The following TRAPPC3L variants were observed in gnomAD, a reference collection of about 807,000 sequenced individuals.
The protein encoded by TRAPPC3L is trafficking protein particle complex subunit 3-like protein.
TRAPPC3L carries 23 observed loss-of-function variants against 23.7 expected under a neutral mutation model. That is an observed-to-expected ratio of 0.97 (90% CI 0.70 to 1.37). The LOEUF (loss-of-function observed/expected upper bound fraction) is 1.37, where lower values mean the gene tolerates loss of function less well. Among genes scored for constraint, TRAPPC3L ranks in the 40% most tolerant of loss-of-function variants. The pLI is 0.00. For missense variants in TRAPPC3L, 212 were observed against 216.8 expected (o/e 0.98, Z 0.14); for synonymous variants, 81 against 77.9 (o/e 1.04, Z -0.21).
At position 116,500,699 on chromosome 6, in the gene TRAPPC3L, G is replaced by A. The variant is rs769634949; in HGVS notation, c.241-33C>T. 1.6e-5 allele frequency: 25 copies of A among 1,536,560 alleles called. No individual in the cohort carries two copies. The African/African-American group carries it at 2.6e-4, about 16-fold the overall frequency. Reference sequence around the variant, plus strand: ...GAAAAAAACAAAATTACTAAAACTTGGTCTAGAACAAATAACTATGAGCAG... The same window carrying A: ...GAAAAAAACAAAATTACTAAAACTTAGTCTAGAACAAATAACTATGAGCAG... On this transcript the variant is annotated intron_variant, in intron 3 of 4. Transcript: ENST00000368602.
intron 3 of TRAPPC3L, among the ~76,000 whole-genome samples, chr6:116,539,392 C>A (rs6899606): frequency 0.66 from 100,995 of 152,008 alleles, 33,816 homozygotes; most frequent in East Asian, 0.89. Flanking sequence ...GAAATAATAC[C>A]AGTAATAATA....
intron 3 of TRAPPC3L, among the ~76,000 whole-genome samples, chr6:116,530,294 G>A (rs1772619347): frequency 6.6e-6 from 1 of 152,122 alleles, no homozygotes; most frequent in South Asian, 2.1e-4. Flanking sequence ...CCTGGTTTAA[G>A]TTCATTTCAT....
chr6:116,519,167 C>G (rs373047779), intron 3 of TRAPPC3L: 1 of 152,150 alleles, frequency 6.6e-6, no homozygotes. Flanking sequence ...GATGTGCTCC[C>G]TAGAGGCTGC....
chr6:116,527,836 C>A (rs1379844422), intron 3 of TRAPPC3L, among the ~76,000 whole-genome samples: 1 of 152,190 alleles, frequency 6.6e-6, no homozygotes, highest in Non-Finnish European at 1.5e-5. Context: ...TGGACCAATG[C>A]CTAATGCATG....
intron 3 of TRAPPC3L, among the ~76,000 whole-genome samples, chr6:116,507,143 A>G (rs1174237446): frequency 6.6e-6 from 1 of 152,224 alleles, no homozygotes; most frequent in East Asian, 1.9e-4. Context: ...TTTAAAAGAT[A>G]TATATCCTTT....
chr6:116,538,101 T>C (rs1452990604), intron 3 of TRAPPC3L, among the ~76,000 whole-genome samples: 1 of 152,234 alleles, frequency 6.6e-6, no homozygotes, highest in Non-Finnish European at 1.5e-5. Flanking sequence ...ATTTTTATTT[T>C]CTACTAGAGA....
At chr6:116,509,518 AT>A (rs1449659257) in intron 3 of TRAPPC3L, among the ~76,000 whole-genome samples, 1 of 152,190 alleles carries the variant, frequency 6.6e-6, no homozygotes, top group Non-Finnish European at 1.5e-5. Context: ...ATGGAACAGA[AT>A]AGAGAACTCA....
At chr6:116,516,586 G>A (rs1403288244) in intron 3 of TRAPPC3L, 2 of 149,532 alleles carry the variant, frequency 1.3e-5, no homozygotes, top group Non-Finnish European at 3.0e-5. Flanking sequence ...AAGCAGGGCT[G>A]CATCATAATT....
At chr6:116,527,302 G>T (rs1772461479) in intron 3 of TRAPPC3L, among the ~76,000 whole-genome samples, 1 of 152,068 alleles carries the variant, frequency 6.6e-6, no homozygotes, top group African/African-American at 2.4e-5. Flanking sequence ...CGAATCACGA[G>T]GTCAGGAGAT....
chr6:116,528,939 TTTG>T (rs1170706476), intron 3 of TRAPPC3L: 2 of 152,220 alleles, frequency 1.3e-5, no homozygotes, highest in South Asian at 2.1e-4. Context: ...ATAAGTTTCC[TTTG>T]TTGTTGTAGT....
At chr6:116,536,299 T>A (rs539826326) in intron 3 of TRAPPC3L, among the ~76,000 whole-genome samples, 1 of 152,212 alleles carries the variant, frequency 6.6e-6, no homozygotes, top group Non-Finnish European at 1.5e-5. Context: ...TTGGCCATTA[T>A]CATGGGATTT....
intron 3 of TRAPPC3L, among the ~76,000 whole-genome samples, chr6:116,530,612 A>G (rs990750672): frequency 3.0e-4 from 45 of 151,938 alleles, no homozygotes; most frequent in African/African-American, 1.1e-3. Context: ...TGTCTGCCCC[A>G]CTCTTGCTAA....
In TRAPPC3L at chr6:116,533,689, C is replaced by G. The variant is rs140825111; in HGVS notation, c.240+6674G>C. Among the ~76,000 whole-genome samples the G allele has an allele frequency of 3.9e-5, 6 of 152,328 alleles. No individual in the cohort carries two copies. In the East Asian group the frequency reaches 1.2e-3, roughly 29 times the overall value. ...CCTACTTGTAACGCTAGAGCTCCAT[C>G]ATGCAGACATTTCTCCTTGGCCAGA... On this transcript the variant is annotated intron_variant, in intron 3 of 4. Coordinates refer to ENST00000368602, the MANE Select transcript of TRAPPC3L (RefSeq NM_001139444.3).
At chr6:116,532,123 A>G (rs1294227153) in intron 3 of TRAPPC3L, among the ~76,000 whole-genome samples, 1 of 152,172 alleles carries the variant, frequency 6.6e-6, no homozygotes, top group Non-Finnish European at 1.5e-5. Context: ...CTGCTTCTGC[A>G]TGTAGTGTTA....
chr6:116,515,838 CT>C, intron 3 of TRAPPC3L: 1 of 1,613,988 alleles, frequency 6.2e-7, no homozygotes. Flanking sequence ...CCTACGTTTG[CT>C]GCCTGGGAGG....
intron 3 of TRAPPC3L, chr6:116,520,507 G>A (rs1307981502): frequency 6.6e-6 from 1 of 152,134 alleles, no homozygotes. Flanking sequence ...GAGGTTGGAT[G>A]GAAAGCATCT....
Position 116,496,513 on chromosome 6 carries a change from A to G in TRAPPC3L, c.*441T>C, listed in dbSNP as rs1771835139. Reference sequence around the variant, plus strand: ...TTAGAAATATGGAATTATTTATTTAAGGAATGCAATATACAGTATCTAGAA... The same window carrying G: ...TTAGAAATATGGAATTATTTATTTAGGGAATGCAATATACAGTATCTAGAA... On this transcript the variant is annotated 3_prime_UTR_variant, in exon 5 of 5. Transcript: ENST00000368602. The G allele has an allele frequency of 6.6e-6, 1 of 152,402 alleles. No individual in the cohort carries two copies. The highest frequency in any genetic ancestry group is 1.5e-5 in the Non-Finnish European group (1 of 68,174). 9.4% of individuals were successfully genotyped at this position (152,402 alleles called of 1,614,324 possible).
At chr6:116,534,998 T>G (rs1772987414) in intron 3 of TRAPPC3L, among the ~76,000 whole-genome samples, 1 of 152,202 alleles carries the variant, frequency 6.6e-6, no homozygotes, top group Non-Finnish European at 1.5e-5. Flanking sequence ...AATCATCATA[T>G]TGACATGGAC....
At chr6:116,520,796 G>A (rs1164051080) in intron 3 of TRAPPC3L, 1 of 152,180 alleles carries the variant, frequency 6.6e-6, no homozygotes, top group East Asian at 1.9e-4. Context: ...AGTAGAGTAT[G>A]ATAAAAATTT....
Sources: allele counts gnomAD v4.1 joint callset (sites outside exome capture counted in the v4.1 genomes callset), GRCh38; gene constraint gnomAD v4.1.1; transcripts MANE v1.5; gene names NCBI Gene and HGNC (gene_info 2026-07-23, HGNC 2026-07-21).